Variants in SYTL4 observed in about 807,000 individuals in gnomAD.
SYTL4 encodes the protein synaptotagmin-like protein 4.
SYTL4 carries 16 observed loss-of-function variants against 52.7 expected under a neutral mutation model. That is an observed-to-expected ratio of 0.30 (90% CI 0.21 to 0.46). The LOEUF is 0.46. Among genes scored for constraint, SYTL4 ranks in the 20% least tolerant of loss-of-function variants. The pLI is 1.00. For synonymous variants in SYTL4, 160 were observed against 186.6 expected (o/e 0.86, Z 1.16); for missense variants, 423 against 519.9 (o/e 0.81, Z 1.81).
intron 18 of SYTL4, 70 bp downstream of exon 18, chrX:100,679,243 G>T: frequency 1.1e-6 from 1 of 905,001 alleles, no homozygotes; most frequent in Non-Finnish European, 1.6e-6. Context: ...TATCCACAGA[G>T]AAAGTTAAAT....
intron 7 of SYTL4, 109 bp downstream of exon 7, chrX:100,701,111 T>C: frequency 1.2e-6 from 1 of 867,057 alleles, no homozygotes; most frequent in Non-Finnish European, 1.7e-6. Flanking sequence ...GGGATGACAA[T>C]ACAATCTTCT....
Position 100,681,294 on chromosome X carries a change from G to A in SYTL4, c.1491C>T (p.Gly497=). Reference sequence around the variant, plus strand: ...TGTATTTCAATGAAACCACCAACTCGCCTTTGTGTGATGGCAAGCCAGTCG... The same window carrying A: ...TGTATTTCAATGAAACCACCAACTCACCTTTGTGTGATGGCAAGCCAGTCG... ...ESPTGLPSHK[G]ELVVSLKYIP... The change falls in exon 17 of 20, where the codon GGC becomes GGT. Residue 497 remains glycine, a synonymous_variant. Coordinates refer to ENST00000372989, the MANE Select transcript of SYTL4 (RefSeq NM_001370165.1). The A allele has an allele frequency of 9.9e-6, 12 of 1,210,977 alleles. No individual in the cohort carries two copies. The highest frequency in any genetic ancestry group is 1.3e-5 in the Non-Finnish European group (12 of 895,101).
intron 4 of SYTL4, among the ~76,000 whole-genome samples, chrX:100,702,660 C>T (rs1201626619): frequency 8.9e-6 from 1 of 112,239 alleles, no homozygotes; most frequent in Non-Finnish European, 1.9e-5. Context: ...TCTAGCACTA[C>T]CTCCAGGATA....
At chrX:100,708,867 G>A (rs995683463) in intron 2 of SYTL4, among the ~76,000 whole-genome samples, 16 of 112,291 alleles carry the variant, frequency 1.4e-4, no homozygotes, top group African/African-American at 4.5e-4. Context: ...CCCTGCCCTG[G>A]ACAGCAAATA....
Position 100,690,644 on chromosome X carries a change from G to C in SYTL4, c.642-6C>G, listed in dbSNP as rs370295176. ...ATTTATCCAGAGAGTCTCTCCTGGAGGTAGATTCAGAAATTATAACTAAGT... is the reference window on the plus strand; with the variant it reads ...ATTTATCCAGAGAGTCTCTCCTGGACGTAGATTCAGAAATTATAACTAAGT... On this transcript the variant is annotated splice_region_variant and splice_polypyrimidine_tract_variant and intron_variant, in intron 9 of 19. Coordinates refer to ENST00000372989, the MANE Select transcript of SYTL4 (RefSeq NM_001370165.1). 2.0e-5 allele frequency: 23 copies of C among 1,178,251 alleles called. No homozygotes were observed. Among genetic ancestry groups the C allele is most frequent in the Non-Finnish European group, 2.6e-5 (23 of 868,728 alleles).
chrX:100,678,565 G>A lies in SYTL4; in HGVS notation c.1693C>T (p.Arg565Cys), dbSNP rs369394234. The change falls in exon 19 of 20, where the codon CGT (arginine) becomes TGT (cysteine). Residue 565 changes from arginine (R) to cysteine (C), a missense_variant. Arg to Cys is a radical substitution (Grantham distance 180, BLOSUM62 -3). Transcript: ENST00000372989. ...LLPMRNKASK[R>C]KTPVMKKTLN... is the part of the protein sequence containing the mutation. Reference sequence around the variant, plus strand: ...GTCTTCTTCATCACAGGAGTTTTACGTTTACTGGCCTTGTTCCTCATGGGA... The same window carrying A: ...GTCTTCTTCATCACAGGAGTTTTACATTTACTGGCCTTGTTCCTCATGGGA... 8.4e-5 allele frequency: 102 copies of A among 1,209,324 alleles called. No homozygotes were observed. Among genetic ancestry groups the A allele is most frequent in the South Asian group, 2.8e-4 (16 of 56,758 alleles).
rs770803524 is a variant in SYTL4, at chrX:100,687,194, T to C, written c.1057A>G (p.Asn353Asp). 2 of 1,211,615 alleles carry C rather than the reference T, an allele frequency of 1.7e-6. No homozygotes were observed. Among genetic ancestry groups the C allele is most frequent in the Non-Finnish European group, 2.2e-6 (2 of 895,341 alleles). The change falls in exon 14 of 20, where the codon AAC becomes GAC. Residue 353 changes from asparagine to aspartate, a missense_variant. Transcript: ENST00000372989. ...GCAATCCTGCCAGTCACAAAGATGT[T>C]CCCGAAATCACCAGCTTCACTGTAG... Reference protein sequence around the residue: ...SIYSEAGDFGNIFVTGRIAFS... With the variant: ...SIYSEAGDFGDIFVTGRIAFS...
At chrX:100,724,346 G>A (rs1028935783) in intron 2 of SYTL4, among the ~76,000 whole-genome samples, 5 of 102,131 alleles carry the variant, frequency 4.9e-5, no homozygotes, top group African/African-American at 1.1e-4. Flanking sequence ...CCCTCTGCCC[G>A]GCCACCACCC....
At chrX:100,683,005 A>G (rs1192221448) in intron 16 of SYTL4, among the ~76,000 whole-genome samples, 5 of 109,627 alleles carry the variant, frequency 4.6e-5, no homozygotes, top group Non-Finnish European at 9.5e-5. Flanking sequence ...CAGGTGGCCT[A>G]TTGTCTTTGG....
At position 100,689,871 on chromosome X, in the gene SYTL4, G is replaced by A. The variant is rs1262604526; in HGVS notation, c.897C>T (p.Gly299=). The A allele has an allele frequency of 1.7e-6, 2 of 1,199,246 alleles. No individual in the cohort carries two copies. Among genetic ancestry groups the A allele is most frequent in the East Asian group, 3.0e-5 (1 of 33,696 alleles). Residue 299 remains glycine, a synonymous_variant, in exon 12 of 20, where the codon GGC becomes GGT. Coordinates refer to ENST00000372989, the MANE Select transcript of SYTL4 (RefSeq NM_001370165.1). ...GGGCACCTACCATATCCACATTGAG[G>A]CCTGGGACGGATTTGCTTCTGTCTC... ...SLGDRSKSVP[G]LNVDMEEEEE... is the part of the protein sequence containing the mutation.
intron 16 of SYTL4, among the ~76,000 whole-genome samples, chrX:100,682,256 C>T (rs987323101): frequency 8.9e-6 from 1 of 111,769 alleles, no homozygotes; most frequent in African/African-American, 3.3e-5. Flanking sequence ...GGGAGGGCAA[C>T]AGAATAGGGA....
chrX:100,700,874 T>C, intron 8 of SYTL4, 23 bp downstream of exon 8: 1 of 1,117,025 alleles, frequency 9.0e-7, no homozygotes, highest in Non-Finnish European at 1.2e-6. Context: ...AAGCATTTCT[T>C]TAAACAATTA....
chrX:100,724,436 A>G lies in SYTL4; in HGVS notation c.-240+6982T>C, dbSNP rs1180740566. Among the ~76,000 whole-genome samples the G allele has an allele frequency of 2.9e-5, 3 of 105,162 alleles. No homozygotes were observed. In the Admixed American group the frequency reaches 3.0e-4, roughly 11 times the overall value. 91.3% of individuals were successfully genotyped at this position (105,162 alleles called of 115,157 possible). ...GGTTTTGTGGAATAGAAAGGGGGGA[A>G]AGGTGGGGAAAAGATTGAGAAATCG... On this transcript the variant is annotated intron_variant, in intron 2 of 19. Coordinates refer to ENST00000372989, the MANE Select transcript of SYTL4 (RefSeq NM_001370165.1).
chrX:100,692,355 G>A (rs937893725), intron 8 of SYTL4, among the ~76,000 whole-genome samples: 1 of 112,263 alleles, frequency 8.9e-6, no homozygotes, highest in African/African-American at 3.2e-5. Flanking sequence ...CAGTGACCAC[G>A]TATCTTATTT....
intron 1 of SYTL4, 140 bp from the exon 2 acceptor site, chrX:100,731,645 T>TC (rs2147859903): frequency 9.0e-6 from 1 of 111,569 alleles, no homozygotes; most frequent in South Asian, 3.9e-4. Context: ...GCCCGGGCAC[T>TC]CCCCGCGAGG....
intron 13 of SYTL4, 63 bp from the exon 14 acceptor site, chrX:100,687,308 T>A: frequency 9.8e-7 from 1 of 1,024,923 alleles, no homozygotes; most frequent in Non-Finnish European, 1.4e-6. Context: ...ATTGCTCACA[T>A]CTTCCCTCAT....
intron 2 of SYTL4, among the ~76,000 whole-genome samples, chrX:100,729,710 G>A (rs913255090): frequency 2.7e-5 from 3 of 111,044 alleles, no homozygotes; most frequent in Non-Finnish European, 3.8e-5. Context: ...CAGTGTTAAG[G>A]GCTTTACTGA....
chrX:100,675,961 C>A lies in SYTL4; in HGVS notation c.*67G>T. 9.2e-7 allele frequency: 1 copy of A among 1,082,191 alleles called. No individual in the cohort carries two copies. Among genetic ancestry groups the A allele is most frequent in the East Asian group, 3.2e-5 (1 of 30,943 alleles). 89.2% of individuals were successfully genotyped at this position (1,082,191 alleles called of 1,213,427 possible). A position where few individuals can be genotyped will look rare whatever the true frequency, so the allele number is the denominator to read the frequency against. On this transcript the variant is annotated 3_prime_UTR_variant, in exon 20 of 20. Coordinates refer to ENST00000372989, the MANE Select transcript of SYTL4 (RefSeq NM_001370165.1). ...ATACACATTAAATTATAAATCTTTG[C>A]TCTTGATTTCTTCACTTCCTCTGAC...
chrX:100,730,912 T>A (rs1232902833), intron 2 of SYTL4, among the ~76,000 whole-genome samples: 1 of 103,219 alleles, frequency 9.7e-6, no homozygotes, highest in Non-Finnish European at 2.0e-5. Flanking sequence ...ATTAATAGAT[T>A]TATGAGAGGT....
Sources: gnomAD v4.1 joint callset for allele counts (sites outside exome capture counted in the v4.1 genomes callset) on GRCh38, gnomAD v4.1.1 for gene constraint, MANE v1.5 for transcripts, NCBI Gene and HGNC (gene_info 2026-07-23, HGNC 2026-07-21) for gene names.